Variants in RTN1 observed in about 807,000 individuals in gnomAD.
The protein encoded by RTN1 is reticulon 1, also known as reticulon-1.
Under a neutral mutation model 65.5 loss-of-function variants are expected in RTN1, and 25 were observed. The ratio of observed to expected loss-of-function variants is 0.38; its 90% CI spans 0.28 to 0.53. RTN1 has a LOEUF of 0.53. Among genes scored for constraint, RTN1 ranks in the 20% least tolerant of loss-of-function variants. The pLI, the probability that RTN1 is intolerant of heterozygous loss-of-function variation, is 0.79. For missense variants in RTN1, 983 were observed against 1,025.4 expected (o/e 0.96, Z 0.57); for synonymous variants, 471 against 447.6 (o/e 1.05, Z -0.66).
chr14:59,750,332 A>ATC (rs1885457573), intron 1 of RTN1, among the ~76,000 whole-genome samples: 2 of 12,582 alleles, frequency 1.6e-4, no homozygotes, highest in Non-Finnish European at 2.7e-4. Context: ...AATATATAAT[A>ATC]TATTATATCT....
chr14:59,758,851 G>C (rs547011332), intron 1 of RTN1, among the ~76,000 whole-genome samples: 78 of 152,242 alleles, frequency 5.1e-4, no homozygotes, highest in African/African-American at 1.8e-3. Context: ...TCAATCATGT[G>C]TTAATTCAAT....
chr14:59,739,734 G>A (rs886099681), intron 2 of RTN1, among the ~76,000 whole-genome samples: 2 of 152,104 alleles, frequency 1.3e-5, no homozygotes, highest in Non-Finnish European at 2.9e-5. Flanking sequence ...GAGAAAAAGA[G>A]GGGTTTCAAA....
At chr14:59,710,062 T>TG (rs1391814111) in intron 3 of RTN1, among the ~76,000 whole-genome samples, 3 of 141,304 alleles carry the variant, frequency 2.1e-5, no homozygotes, top group Admixed American at 1.4e-4. Context: ...TTTTTTTTTT[T>TG]GACAGACTGT....
intron 3 of RTN1, among the ~76,000 whole-genome samples, chr14:59,719,447 T>C (rs1884602894): frequency 6.6e-6 from 1 of 152,196 alleles, no homozygotes; most frequent in Non-Finnish European, 1.5e-5. Flanking sequence ...CATCACTCTG[T>C]TGATTTTCTT....
At chr14:59,801,777 T>A (rs1411667039) in intron 1 of RTN1, among the ~76,000 whole-genome samples, 1 of 152,198 alleles carries the variant, frequency 6.6e-6, no homozygotes, top group Non-Finnish European at 1.5e-5. Flanking sequence ...ATGAGAGATA[T>A]ATTATTAGAA....
intron 3 of RTN1, among the ~76,000 whole-genome samples, chr14:59,697,558 T>C (rs1363916934): frequency 6.6e-6 from 1 of 152,178 alleles, no homozygotes; most frequent in South Asian, 2.1e-4. Context: ...AGTAAAAGCA[T>C]TGAATGATAG....
At position 59,825,946 on chromosome 14, in the gene RTN1, C is replaced by T. The variant is rs927116355; in HGVS notation, c.241+44444G>A. Among the ~76,000 whole-genome samples the T allele has an allele frequency of 6.6e-6, 1 of 152,190 alleles. No homozygotes were observed. The highest frequency in any genetic ancestry group is 1.5e-5 in the Non-Finnish European group (1 of 68,028). ...CCCATTCCCAGTACCCTAGTTCAGA[C>T]ATTTCATTCATTAGCATTGGCTTTC... On this transcript the variant is annotated intron_variant, in intron 1 of 8. Transcript: ENST00000267484. The surrounding 1 kb of genome is among the most constrained non-coding windows in gnomAD (Gnocchi z 4.2).
intron 1 of RTN1, among the ~76,000 whole-genome samples, chr14:59,852,329 C>T (rs1304762809): frequency 6.6e-6 from 1 of 152,110 alleles, no homozygotes; most frequent in Non-Finnish European, 1.5e-5. Context: ...ATCATATGCA[C>T]ACTTTACATA....
intron 1 of RTN1, among the ~76,000 whole-genome samples, chr14:59,750,353 T>A (rs1427785978): frequency 8.0e-4 from 7 of 8,772 alleles, no homozygotes; most frequent in African/African-American, 2.7e-3. Context: ...ATAATATATA[T>A]TATATCTATA....
chr14:59,735,515 T>C (rs1319371573), intron 2 of RTN1, among the ~76,000 whole-genome samples: 1 of 152,124 alleles, frequency 6.6e-6, no homozygotes, highest in Non-Finnish European at 1.5e-5. Flanking sequence ...AAGACATATA[T>C]AGGCTCAAAA....
In RTN1 at chr14:59,746,457, A is replaced by G; in HGVS notation, c.266T>C (p.Met89Thr). Residue 89 changes from methionine to threonine, a missense_variant, in exon 2 of 9, where the codon ATG becomes ACG. Physicochemically the swap from Met to Thr is moderately conservative, Grantham distance 81. Around this residue, in one of 2 missense-constraint regions of RTN1, gnomAD observed 818 missense variants for 801.8 expected, o/e 1.02. Transcript: ENST00000267484. Reference protein sequence around the residue: ...STGVAGVSSAMDHTFSTTSKD... With the variant: ...STGVAGVSSATDHTFSTTSKD... The stretch of plus-strand genomic sequence containing the variant: ...TGATGTTGTTGAGAAGGTGTGGTCC[A>G]TGGCACTGGAAACACCTGCCACACC... 1 of 1,598,212 alleles carries G rather than the reference A, an allele frequency of 6.3e-7. No homozygotes were observed. The highest frequency in any genetic ancestry group is 8.5e-7 in the Non-Finnish European group (1 of 1,172,690).
chr14:59,870,440 C>A lies in RTN1; in HGVS notation c.191G>T (p.Gly64Val), dbSNP rs774507823. 6.6e-7 allele frequency: 1 copy of A among 1,515,566 alleles called. No homozygotes were observed. The highest frequency in any genetic ancestry group is 1.2e-5 in the South Asian group (1 of 81,330). The allele number at this position is 1,515,566 out of a possible 1,614,324, so 93.9% of individuals were successfully genotyped here. Residue 64 changes from glycine to valine, a missense_variant, in exon 1 of 9, where the codon GGC (glycine) becomes GTC (valine). Gly to Val is a moderately radical substitution (Grantham distance 109). Around this residue, in one of 2 missense-constraint regions of RTN1, gnomAD observed 818 missense variants for 801.8 expected, o/e 1.02. Transcript: ENST00000267484. This position sits in a 1 kb window ranked among gnomAD's most constrained non-coding sequence, Gnocchi z 5.1. ...GGGCGACTGCCGGGCGGGGCCCGAG[C>A]CGGCTTCCCGCGACGCCGCTTCCCG... ...RAREAASREA[G>V]SGPARQSPVA... is the part of the protein sequence containing the mutation.
intron 1 of RTN1, among the ~76,000 whole-genome samples, chr14:59,769,847 G>A (rs1885919531): frequency 6.6e-6 from 1 of 152,170 alleles, no homozygotes; most frequent in South Asian, 2.1e-4. Context: ...GAGAATACAA[G>A]TGAGGGAGTG....
chr14:59,745,067 T>C (rs1203316399), intron 2 of RTN1, among the ~76,000 whole-genome samples: 1 of 152,144 alleles, frequency 6.6e-6, no homozygotes, highest in Admixed American at 6.5e-5. Flanking sequence ...TGGATTATCA[T>C]GGAAATGTGA....
rs1017383514 is a variant in RTN1 at position 59,726,805 on chromosome 14, CTGTT to C, written c.1765+110_1765+113del. 11 of 865,374 alleles carry C rather than the reference CTGTT, an allele frequency of 1.3e-5. No homozygotes were observed. In the African/African-American group the frequency reaches 1.9e-4, roughly 15 times the overall value. 53.6% of individuals were successfully genotyped at this position (865,374 alleles called of 1,614,324 possible). On this transcript the variant is annotated intron_variant, in intron 3 of 8. Transcript: ENST00000267484. ...CCCCCTGGAACCGTTCTCTGGTCAA[CTGTT>C]TGATCAGCATGGGGATGACTCCAGG...
chr14:59,796,532 T>C (rs1176566028), intron 1 of RTN1, among the ~76,000 whole-genome samples: 1 of 152,208 alleles, frequency 6.6e-6, no homozygotes, highest in Admixed American at 6.5e-5. Flanking sequence ...TTGGCTCTTG[T>C]TTACTTACAC....
At chr14:59,864,563 T>G (rs1223686035) in intron 1 of RTN1, among the ~76,000 whole-genome samples, 1 of 149,062 alleles carries the variant, frequency 6.7e-6, no homozygotes, top group Non-Finnish European at 1.5e-5. Flanking sequence ...AAAAAAAAAG[T>G]ATAGTTTATG....
chr14:59,642,517 C>T (rs1882801682), intron 3 of RTN1, among the ~76,000 whole-genome samples: 1 of 151,870 alleles, frequency 6.6e-6, no homozygotes, highest in Admixed American at 6.6e-5. Context: ...TATTTTTATT[C>T]TCTTTATCTG....
chr14:59,687,193 T>C (rs1198517155), intron 3 of RTN1, among the ~76,000 whole-genome samples: 4 of 152,210 alleles, frequency 2.6e-5, no homozygotes. Context: ...CCTGAGATCA[T>C]GGTGGCAGGG....
Sources: allele counts gnomAD v4.1 joint callset (sites outside exome capture counted in the v4.1 genomes callset), GRCh38; gene constraint gnomAD v4.1.1; regional missense constraint gnomAD v4.1.1; non-coding constraint Gnocchi (gnomAD v3.1); transcripts MANE v1.5; gene names NCBI Gene and HGNC (gene_info 2026-07-23, HGNC 2026-07-21).